The following NLGN4Y variants were observed in gnomAD, a reference collection of about 807,000 sequenced individuals.
NLGN4Y encodes the protein neuroligin-4, Y-linked.
Under a neutral mutation model 8.4 loss-of-function variants are expected in NLGN4Y, and 4 were observed. That is an observed-to-expected ratio of 0.48 (90% CI 0.23 to 1.09). The LOEUF is 1.09. Ranked by LOEUF, NLGN4Y falls within the 50% of genes least tolerant of loss-of-function variation. NLGN4Y has a pLI of 0.19. For missense variants in NLGN4Y, 90 were observed against 192.3 expected, an observed-to-expected ratio of 0.47 and a Z score of 3.15; for synonymous variants, 35 against 75.6, an observed-to-expected ratio of 0.46 and a Z score of 2.78.
At chrY:14,526,436 C>G (rs2080094172) in intron 1 of NLGN4Y, among the ~76,000 whole-genome samples, 2 of 29,549 alleles carry the variant, frequency 6.8e-5, no homozygotes, top group Non-Finnish European at 1.7e-4. Flanking sequence ...GTATGTGTGT[C>G]TGTGTGTGTG....
At chrY:14,631,314 GA>G (rs747027819) in intron 2 of NLGN4Y, among the ~76,000 whole-genome samples, 2 of 31,751 alleles carry the variant, frequency 6.3e-5, no homozygotes, top group East Asian at 8.4e-4. Context: ...AAGAAACAAT[GA>G]AAAAAAAATC....
intron 4 of NLGN4Y, among the ~76,000 whole-genome samples, chrY:14,728,043 T>C (rs2080961076): frequency 3.0e-5 from 1 of 33,815 alleles, no homozygotes; most frequent in East Asian, 7.8e-4. Context: ...GCATGAATTG[T>C]TGTTGTTTGG....
chrY:14,572,081 G>A, intron 1 of NLGN4Y, among the ~76,000 whole-genome samples: 1 of 31,910 alleles, frequency 3.1e-5, no homozygotes, highest in African/African-American at 1.2e-4. Context: ...GGCAATGCAG[G>A]GTCTTTTTTG....
chrY:14,829,693 G>A, intron 5 of NLGN4Y, 37 bp from the exon 6 acceptor site: 1 of 394,778 alleles, frequency 2.5e-6, no homozygotes, highest in Non-Finnish European at 3.6e-6. Flanking sequence ...CTGTCCTGCA[G>A]GTTTTCATTT....
chrY:14,572,145 A>G (rs905305631), intron 1 of NLGN4Y, among the ~76,000 whole-genome samples: 1 of 33,208 alleles, frequency 3.0e-5, no homozygotes, highest in Non-Finnish European at 7.4e-5. Context: ...AAAGTCATTG[A>G]TAGCTTGATG....
chrY:14,552,533 A>G, intron 1 of NLGN4Y, among the ~76,000 whole-genome samples: 1 of 33,734 alleles, frequency 3.0e-5, no homozygotes, highest in African/African-American at 1.2e-4. Flanking sequence ...TTTCAATAAA[A>G]TACTGGCAAA....
At chrY:14,598,022 C>T (rs770903626) in intron 1 of NLGN4Y, among the ~76,000 whole-genome samples, 1 of 32,253 alleles carries the variant, frequency 3.1e-5, no homozygotes, top group Admixed American at 2.7e-4. Flanking sequence ...TCGATTGGTG[C>T]ACTCACAAAC....
At chrY:14,599,020 G>C in intron 1 of NLGN4Y, among the ~76,000 whole-genome samples, 1 of 25,601 alleles carries the variant, frequency 3.9e-5, no homozygotes, top group African/African-American at 1.6e-4. Context: ...TGTTTATATA[G>C]ATAATATCTA....
chrY:14,664,541 A>C (rs1018151037), intron 2 of NLGN4Y, among the ~76,000 whole-genome samples: 33 of 33,706 alleles, frequency 9.8e-4, no homozygotes, highest in African/African-American at 3.7e-3. Flanking sequence ...CTAGGCTGGA[A>C]ATACACTTTT....
chrY:14,818,552 G>T (rs1421483238), intron 4 of NLGN4Y, among the ~76,000 whole-genome samples: 1 of 33,053 alleles, frequency 3.0e-5, no homozygotes, highest in Non-Finnish European at 7.4e-5. Context: ...CTTTCCACAG[G>T]CACCCTCAGT....
At chrY:14,684,466 G>A in intron 2 of NLGN4Y, among the ~76,000 whole-genome samples, 1 of 32,912 alleles carries the variant, frequency 3.0e-5, no homozygotes, top group African/African-American at 1.2e-4. Context: ...TTGCACTCAC[G>A]GTGGAAGGTG....
chrY:14,810,304 A>G (rs971172521), intron 4 of NLGN4Y, among the ~76,000 whole-genome samples: 5 of 34,045 alleles, frequency 1.5e-4, no homozygotes, highest in Non-Finnish European at 3.6e-4. Context: ...TAATCCCAGC[A>G]GATCACTTGA....
chrY:14,755,969 C>A (rs2081055481), intron 4 of NLGN4Y, among the ~76,000 whole-genome samples: 1 of 34,213 alleles, frequency 2.9e-5, no homozygotes, highest in Admixed American at 2.7e-4. Context: ...CAACATGGGT[C>A]CTTAACATAA....
chrY:14,576,286 G>A (rs1013509058), intron 1 of NLGN4Y, among the ~76,000 whole-genome samples: 5 of 33,506 alleles, frequency 1.5e-4, no homozygotes, highest in African/African-American at 2.3e-4. Context: ...GCCTGAGAAA[G>A]CGTGGGTACC....
chrY:14,656,857 T>C (rs577122306), intron 2 of NLGN4Y, among the ~76,000 whole-genome samples: 2 of 31,113 alleles, frequency 6.4e-5, no homozygotes, highest in African/African-American at 2.5e-4. Flanking sequence ...ATTTCAGATG[T>C]ATTGCAATGT....
At position 14,844,458 on chromosome Y, in the gene NLGN4Y, A is replaced by G; in HGVS notation, c.*3196A>G. 2 of 35,820 alleles carry G rather than the reference A, an allele frequency of 5.6e-5. No individual in the cohort carries two copies. Among genetic ancestry groups the G allele is most frequent in the Admixed American group, 5.1e-4 (2 of 3,902 alleles). The allele number at this position is 35,820 out of a possible 400,897, so 8.9% of individuals were successfully genotyped here. A position where few individuals can be genotyped will look rare whatever the true frequency, so the allele number is the denominator to read the frequency against. On this transcript the variant is annotated 3_prime_UTR_variant, in exon 7 of 7. Coordinates refer to ENST00000684976, the MANE Select transcript of NLGN4Y (RefSeq NM_001365588.1). ...GCCATCACGAACTTATTTCACATTC[A>G]CAGTAGCTCTAAGGGGCAGGCACCT... is the stretch of plus-strand genomic sequence containing the variant.
chrY:14,706,958 CAT>C (rs2080881488), intron 2 of NLGN4Y, among the ~76,000 whole-genome samples: 4 of 21,684 alleles, frequency 1.8e-4, no homozygotes, highest in Non-Finnish European at 4.2e-4. Flanking sequence ...TACATACACA[CAT>C]ATGTGTATAT....
intron 4 of NLGN4Y, among the ~76,000 whole-genome samples, chrY:14,801,793 A>G: frequency 3.1e-5 from 1 of 32,642 alleles, no homozygotes; most frequent in African/African-American, 1.2e-4. Flanking sequence ...AGATACTTCC[A>G]TTACGTGTGG....
chrY:14,613,623 G>A, intron 1 of NLGN4Y, among the ~76,000 whole-genome samples: 2 of 32,874 alleles, frequency 6.1e-5, no homozygotes, highest in Non-Finnish European at 1.5e-4. Flanking sequence ...CATGTGTGAC[G>A]TTCCCCACCC....
Sources: gnomAD v4.1 joint callset for allele counts (sites outside exome capture counted in the v4.1 genomes callset) on GRCh38, gnomAD v4.1.1 for gene constraint, MANE v1.5 for transcripts, NCBI Gene and HGNC (gene_info 2026-07-23, HGNC 2026-07-21) for gene names.